Variants in MAGI1 observed in about 807,000 individuals in gnomAD.
MAGI1 encodes the protein membrane associated guanylate kinase, WW and PDZ domain containing 1, also known as membrane-associated guanylate kinase, WW and PDZ domain-containing protein 1.
In MAGI1, 58 loss-of-function variants were observed where a neutral mutation model predicts 139.9. That is an observed-to-expected ratio of 0.41 (90% CI 0.34 to 0.52). MAGI1 has a LOEUF of 0.52. Among genes scored for constraint, MAGI1 ranks in the 20% least tolerant of loss-of-function variants. The pLI, the probability that MAGI1 is intolerant of heterozygous loss-of-function variation, is 0.12. For missense variants in MAGI1, 1,874 were observed against 1,901.6 expected (o/e 0.99, Z 0.27); for synonymous variants, 812 against 737.9 (o/e 1.10, Z -1.63).
At chr3:65,788,450 A>T (rs1341608167) in intron 1 of MAGI1, among the ~76,000 whole-genome samples, 1 of 152,168 alleles carries the variant, frequency 6.6e-6, no homozygotes, top group African/African-American at 2.4e-5. Context: ...CATTATGACC[A>T]CTTTCCCCTA....
rs545236361 is a variant in MAGI1 at position 65,541,957 on chromosome 3, A to G, written c.431-48326T>C. ...AGGAGAAAGAAATAAAGGGTATTCAATTAGGAAAAGAAGAAGTCAAATTGT... is the reference window on the plus strand; with the variant it reads ...AGGAGAAAGAAATAAAGGGTATTCAGTTAGGAAAAGAAGAAGTCAAATTGT... On this transcript the variant is annotated intron_variant, in intron 2 of 22. Transcript: ENST00000402939. Among the ~76,000 whole-genome samples the G allele has an allele frequency of 1.4e-3, 218 of 152,320 alleles. 1 individual carries two copies. The highest frequency in any genetic ancestry group is 2.5e-3 in the Non-Finnish European group (173 of 68,032).
rs572807945 is a variant in MAGI1 at position 65,631,145 on chromosome 3, C to T, written c.314-9057G>A. ...CTAAGGGAGTGTCTAGGAAGAAGGA[C>T]AGGAAGGGGCAGAGAAGAGATGTAA... On this transcript the variant is annotated intron_variant, in intron 1 of 22. Coordinates refer to ENST00000402939, the MANE Select transcript of MAGI1 (RefSeq NM_001033057.2). Among the ~76,000 whole-genome samples, 132 of 152,280 alleles carry T rather than the reference C, an allele frequency of 8.7e-4. 1 individual carries two copies. The highest frequency in any genetic ancestry group is 1.6e-3 in the Non-Finnish European group (108 of 68,038).
intron 9 of MAGI1, 38 bp downstream of exon 9, chr3:65,439,841 C>G (rs1948132675): frequency 6.2e-7 from 1 of 1,606,036 alleles, no homozygotes; most frequent in African/African-American, 1.3e-5. Context: ...ACCCCATGCT[C>G]CCCTGATCAA....
chr3:65,402,911 G>A (rs1250075672), intron 12 of MAGI1, among the ~76,000 whole-genome samples: 2 of 152,214 alleles, frequency 1.3e-5, no homozygotes, highest in Non-Finnish European at 2.9e-5. Flanking sequence ...GGCACACTCA[G>A]TAGTTTGTCA....
intron 14 of MAGI1, 125 bp downstream of exon 14, chr3:65,391,017 G>T: frequency 1.3e-6 from 1 of 770,406 alleles, no homozygotes; most frequent in Non-Finnish European, 2.1e-6. Flanking sequence ...TGATACTTTT[G>T]CATCTTGCGG....
intron 1 of MAGI1, among the ~76,000 whole-genome samples, chr3:65,641,423 G>T (rs986398388): frequency 6.6e-6 from 1 of 152,124 alleles, no homozygotes; most frequent in African/African-American, 2.4e-5. Flanking sequence ...ACTAGGCATC[G>T]GTATTTTTTT....
At chr3:65,837,354 G>A (rs17073940) in intron 1 of MAGI1, among the ~76,000 whole-genome samples, 5,276 of 152,198 alleles carry the variant, frequency 0.035, 293 homozygotes, top group African/African-American at 0.12. Context: ...ACCTGCTGAC[G>A]GAAGATAAAG....
chr3:65,910,519 G>C (rs1357478211), intron 1 of MAGI1, among the ~76,000 whole-genome samples: 1 of 152,168 alleles, frequency 6.6e-6, no homozygotes, highest in East Asian at 1.9e-4. Flanking sequence ...ACTAATCGAA[G>C]TGGTTGTTGG....
chr3:65,439,196 A>G (rs1410831484), intron 9 of MAGI1, among the ~76,000 whole-genome samples: 1 of 152,164 alleles, frequency 6.6e-6, no homozygotes, highest in Non-Finnish European at 1.5e-5. Context: ...TATAAGCTAA[A>G]TCTATATTAG....
chr3:65,476,963 C>T (rs1465431726), intron 4 of MAGI1, among the ~76,000 whole-genome samples: 1 of 152,144 alleles, frequency 6.6e-6, no homozygotes, highest in Non-Finnish European at 1.5e-5. Context: ...CTAACCCATT[C>T]TAATTGAGAA....
chr3:65,731,028 T>A (rs2034135696), intron 1 of MAGI1, among the ~76,000 whole-genome samples: 1 of 152,138 alleles, frequency 6.6e-6, no homozygotes. Flanking sequence ...GCCCCCAAAT[T>A]TAGTTACTGG....
At chr3:65,757,446 T>A (rs1316082318) in intron 1 of MAGI1, among the ~76,000 whole-genome samples, 1 of 152,186 alleles carries the variant, frequency 6.6e-6, no homozygotes, top group Non-Finnish European at 1.5e-5. Context: ...AAGACCAGCC[T>A]GGCCAACATG....
chr3:66,016,628 A>G (rs769943224), intron 1 of MAGI1, among the ~76,000 whole-genome samples: 1 of 152,210 alleles, frequency 6.6e-6, no homozygotes, highest in Non-Finnish European at 1.5e-5. Flanking sequence ...AAGTCAGGCA[A>G]AACTGAGCAA....
intron 18 of MAGI1, among the ~76,000 whole-genome samples, chr3:65,366,786 A>G (rs928448618): frequency 1.3e-5 from 2 of 152,334 alleles, no homozygotes; most frequent in South Asian, 2.1e-4. Flanking sequence ...AGTGATTAGC[A>G]TATTTTTGGT....
intron 1 of MAGI1, among the ~76,000 whole-genome samples, chr3:65,628,297 A>G (rs888736424): frequency 6.6e-5 from 10 of 152,180 alleles, no homozygotes; most frequent in Admixed American, 3.3e-4. Context: ...ATTCACTAGG[A>G]AGATTCGGAG....
intron 1 of MAGI1, among the ~76,000 whole-genome samples, chr3:65,747,032 G>A (rs976686797): frequency 2.0e-5 from 3 of 152,158 alleles, no homozygotes; most frequent in African/African-American, 7.2e-5. Flanking sequence ...CAGGCGTGGT[G>A]GCCAATGTCT....
At chr3:65,376,432 G>C (rs949208092) in intron 17 of MAGI1, among the ~76,000 whole-genome samples, 1 of 152,050 alleles carries the variant, frequency 6.6e-6, no homozygotes, top group Non-Finnish European at 1.5e-5. Context: ...ATAATCACTG[G>C]GCATCTGGTG....
chr3:65,892,188 G>A (rs1224925304), intron 1 of MAGI1, among the ~76,000 whole-genome samples: 1 of 151,814 alleles, frequency 6.6e-6, no homozygotes, highest in Non-Finnish European at 1.5e-5. Context: ...CAGCCAATGG[G>A]CAAATTCCCT....
chr3:65,427,699 G>T (rs1220640197), intron 12 of MAGI1, among the ~76,000 whole-genome samples: 1 of 152,172 alleles, frequency 6.6e-6, no homozygotes, highest in Non-Finnish European at 1.5e-5. Context: ...CAGAGCCAGG[G>T]TGAACAGCTC....
Sources: allele counts gnomAD v4.1 joint callset (sites outside exome capture counted in the v4.1 genomes callset), GRCh38; gene constraint gnomAD v4.1.1; transcripts MANE v1.5; gene names NCBI Gene and HGNC (gene_info 2026-07-23, HGNC 2026-07-21).